Variants in TXLNB observed in about 807,000 individuals in gnomAD.
TXLNB encodes the protein beta-taxilin.
TXLNB carries 37 observed loss-of-function variants against 57.4 expected under a neutral mutation model. That is an observed-to-expected ratio of 0.64 (90% CI 0.50 to 0.85). The LOEUF is 0.85. TXLNB is among the 40% of genes least tolerant of loss of function. The pLI is 0.00. For missense variants in TXLNB, 848 were observed against 825.6 expected (o/e 1.03, Z -0.33); for synonymous variants, 302 against 309.6 (o/e 0.98, Z 0.26).
Position 139,265,116 on chromosome 6 carries a change from G to C in TXLNB, c.688-2343C>G, listed in dbSNP as rs1776583101. On this transcript the variant is annotated intron_variant, in intron 4 of 9. Transcript: ENST00000358430. ...CTGGCACATAATCCAAAGGTATTCA[G>C]TAAATGTTTATTTAATGAATCAGTG... is the stretch of plus-strand genomic sequence containing the variant. 5.9e-5 allele frequency among the ~76,000 whole-genome samples: 9 copies of C among 152,280 alleles called. No individual in the cohort carries two copies. The South Asian group carries it at 1.9e-3, about 32-fold the overall frequency.
chr6:139,206,121 A>G, the TXLNB span, among the ~76,000 whole-genome samples: 7 of 152,322 alleles, frequency 4.6e-5, no homozygotes, highest in African/African-American at 1.7e-4. Context: ...CAAACAAACA[A>G]ATGCTTAGAG....
intron 4 of TXLNB, among the ~76,000 whole-genome samples, chr6:139,269,616 GC>G (rs1202446622): frequency 6.6e-6 from 1 of 152,200 alleles, no homozygotes; most frequent in Non-Finnish European, 1.5e-5. Flanking sequence ...TACAAATTCA[GC>G]AGTGATTTTC....
chr6:139,166,209 A>G, the TXLNB span: 155 of 1,187,088 alleles, frequency 1.3e-4, 1 homozygote, highest in South Asian at 2.2e-3. Context: ...ACCTTATACC[A>G]TACTGTTGCA....
intron 9 of TXLNB, 75 bp from the exon 10 acceptor site, chr6:139,243,389 T>C: frequency 7.0e-7 from 1 of 1,437,034 alleles, no homozygotes; most frequent in Non-Finnish European, 9.3e-7. Flanking sequence ...GGATGCTTTC[T>C]GGAAACAAGC....
the TXLNB span, among the ~76,000 whole-genome samples, chr6:139,211,788 C>T: frequency 6.6e-6 from 1 of 152,122 alleles, no homozygotes; most frequent in Non-Finnish European, 1.5e-5. Context: ...CCTTAAAGGA[C>T]CTAATGGAGC....
Position 139,262,662 on chromosome 6 carries a change from G to T in TXLNB, c.799C>A (p.Arg267=), listed in dbSNP as rs761188530. The stretch of plus-strand genomic sequence containing the variant: ...TTCTCCTGACAGAGCTTCATATTTC[G>T]CTCACTCTGCTGCTCGATCTGGCCC... The part of the protein sequence containing the change: ...IQGQIEQQSE[R]NMKLCQENTE... Residue 267 remains arginine, a synonymous_variant, in exon 5 of 10, where the codon CGA becomes AGA. Coordinates refer to ENST00000358430, the MANE Select transcript of TXLNB (RefSeq NM_153235.4). 1.9e-6 allele frequency: 3 copies of T among 1,614,066 alleles called. No individual in the cohort carries two copies. The South Asian group carries it at 3.3e-5, about 18-fold the overall frequency.
At chr6:139,316,297 C>G in the TXLNB span, among the ~76,000 whole-genome samples, 2 of 152,214 alleles carry the variant, frequency 1.3e-5, no homozygotes, top group Admixed American at 1.3e-4. Context: ...TTACCAAGAA[C>G]CCCCACCTTT....
At chr6:139,195,890 G>A in the TXLNB span, among the ~76,000 whole-genome samples, 3 of 151,910 alleles carry the variant, frequency 2.0e-5, no homozygotes, top group Admixed American at 2.0e-4. Flanking sequence ...AAATACGTCT[G>A]CTGAGGTGAA....
intron 3 of TXLNB, among the ~76,000 whole-genome samples, chr6:139,274,144 C>T (rs1381593900): frequency 6.6e-6 from 1 of 152,158 alleles, no homozygotes; most frequent in Non-Finnish European, 1.5e-5. Context: ...ATATTTCTCC[C>T]AGGCCATTTC....
At chr6:139,243,492 CTT>C (rs1161954954) in intron 9 of TXLNB, among the ~76,000 whole-genome samples, 178 bp from the exon 10 acceptor site, 32 of 128,022 alleles carry the variant, frequency 2.5e-4, no homozygotes, top group Non-Finnish European at 2.5e-4. Context: ...CATCACTTTC[CTT>C]TTTTTTTTTT....
At chr6:139,257,902 G>A (rs944888472) in intron 6 of TXLNB, among the ~76,000 whole-genome samples, 6 of 152,092 alleles carry the variant, frequency 3.9e-5, no homozygotes, top group African/African-American at 1.2e-4. Context: ...GCCTCCCAGG[G>A]TGCAATGAAG....
the TXLNB span, among the ~76,000 whole-genome samples, chr6:139,213,855 C>T: frequency 0.19 from 28,972 of 151,934 alleles, 2,816 homozygotes; most frequent in East Asian, 0.26. Flanking sequence ...AACACCTCTA[C>T]GCAAATAAAC....
chr6:139,252,512 G>A (rs1441802045), intron 7 of TXLNB, among the ~76,000 whole-genome samples: 4 of 152,200 alleles, frequency 2.6e-5, no homozygotes, highest in Admixed American at 6.5e-5. Flanking sequence ...GAAAGACAAA[G>A]GAGGGTTCTT....
Position 139,290,157 on chromosome 6 carries a change from C to T in TXLNB, c.-14-1244G>A, listed in dbSNP as rs759086696. On this transcript the variant is annotated intron_variant, in intron 1 of 9. Transcript: ENST00000358430. ...ATCCCAGCACTTTAGGAAGCCGAGG[C>T]GGGTGGATCCTTGAGGCCAGGAGAC... Among the ~76,000 whole-genome samples the T allele has an allele frequency of 5.5e-4, 83 of 152,218 alleles. 1 individual carries two copies. The highest frequency in any genetic ancestry group is 2.2e-3 in the Admixed American group (33 of 15,300).
At chr6:139,243,992 T>C (rs185660202) in intron 9 of TXLNB, among the ~76,000 whole-genome samples, 84 of 150,508 alleles carry the variant, frequency 5.6e-4, no homozygotes, top group African/African-American at 2.0e-3. Flanking sequence ...TGAGACCTTT[T>C]TTCCCCCACT....
the TXLNB span, among the ~76,000 whole-genome samples, chr6:139,163,941 G>C: frequency 2.0e-5 from 3 of 152,026 alleles, no homozygotes; most frequent in South Asian, 6.2e-4. Flanking sequence ...CACCTCAGTG[G>C]TACACAGGCA....
At chr6:139,229,904 T>C in the TXLNB span, among the ~76,000 whole-genome samples, 1 of 152,226 alleles carries the variant, frequency 6.6e-6, no homozygotes, top group Non-Finnish European at 1.5e-5. Context: ...GCCCACTTTC[T>C]TCTGAGTTGT....
chr6:139,228,794 A>C, the TXLNB span, among the ~76,000 whole-genome samples: 1 of 152,166 alleles, frequency 6.6e-6, no homozygotes, highest in Non-Finnish European at 1.5e-5. Context: ...ACCCCCAGAT[A>C]ACGTATGAAT....
At chr6:139,320,477 A>G in the TXLNB span, among the ~76,000 whole-genome samples, 1 of 152,202 alleles carries the variant, frequency 6.6e-6, no homozygotes, top group African/African-American at 2.4e-5. Flanking sequence ...CCTTCACTAA[A>G]ATATTACCAT....
Sources: allele counts gnomAD v4.1 joint callset (sites outside exome capture counted in the v4.1 genomes callset), GRCh38; gene constraint gnomAD v4.1.1; transcripts MANE v1.5; gene names NCBI Gene and HGNC (gene_info 2026-07-23, HGNC 2026-07-21).